The following IGF2BP3 variants were observed in gnomAD, a reference collection of about 807,000 sequenced individuals.
IGF2BP3 encodes insulin-like growth factor 2 mRNA-binding protein 3.
IGF2BP3 carries 9 observed loss-of-function variants against 73.8 expected under a neutral mutation model. That is an observed-to-expected ratio of 0.12 (90% CI 0.07 to 0.21). The LOEUF (loss-of-function observed/expected upper bound fraction) is 0.21, where lower values mean the gene tolerates loss of function less well. Among genes scored for constraint, IGF2BP3 ranks in the 10% least tolerant of loss-of-function variants. The pLI is 1.00. For synonymous variants in IGF2BP3, 258 were observed against 256.7 expected, an observed-to-expected ratio of 1.01 and a Z score of -0.05; for missense variants, 542 against 714.0, an observed-to-expected ratio of 0.76 and a Z score of 2.75.
intron 2 of IGF2BP3, among the ~76,000 whole-genome samples, chr7:23,449,430 T>C (rs1264671488): frequency 6.6e-6 from 1 of 151,556 alleles, no homozygotes; most frequent in African/African-American, 2.4e-5. Context: ...GGCAGGAAAA[T>C]GGCATGAAAC....
At chr7:23,334,636 G>A (rs1032566427) in intron 10 of IGF2BP3, among the ~76,000 whole-genome samples, 8 of 152,224 alleles carry the variant, frequency 5.3e-5, no homozygotes, top group African/African-American at 1.4e-4. Context: ...CAGGACATAA[G>A]CTGCTTCCCA....
At chr7:23,461,131 C>T (rs1000336118) in intron 2 of IGF2BP3, among the ~76,000 whole-genome samples, 5 of 152,234 alleles carry the variant, frequency 3.3e-5, no homozygotes, top group East Asian at 3.9e-4. Flanking sequence ...ACATCACTCT[C>T]GGTGGTATTC....
At chr7:23,371,941 G>T (rs886804430) in intron 3 of IGF2BP3, among the ~76,000 whole-genome samples, 1 of 152,182 alleles carries the variant, frequency 6.6e-6, no homozygotes, top group African/African-American at 2.4e-5. Context: ...TGGAAAAACC[G>T]AATCCAGAGC....
chr7:23,388,282 CCT>C (rs770809837), intron 3 of IGF2BP3, among the ~76,000 whole-genome samples: 2 of 152,158 alleles, frequency 1.3e-5, no homozygotes, highest in Non-Finnish European at 2.9e-5. Flanking sequence ...TTATTCCACC[CCT>C]GTGTATTTAC....
intron 3 of IGF2BP3, among the ~76,000 whole-genome samples, chr7:23,389,594 G>A (rs1400188335): frequency 6.6e-6 from 1 of 151,814 alleles, no homozygotes; most frequent in Non-Finnish European, 1.5e-5. Context: ...GAAATTGGAT[G>A]ATAAATCTTT....
intron 3 of IGF2BP3, among the ~76,000 whole-genome samples, chr7:23,399,411 TA>T (rs55716214): frequency 0.28 from 39,061 of 141,840 alleles, 5,152 homozygotes; most frequent in South Asian, 0.37. Flanking sequence ...TAAATTAAAT[TA>T]AAAAAAAAAA....
At chr7:23,466,339 A>C (rs1788566558) in intron 2 of IGF2BP3, among the ~76,000 whole-genome samples, 1 of 152,232 alleles carries the variant, frequency 6.6e-6, no homozygotes, top group African/African-American at 2.4e-5. Flanking sequence ...TCTACTTTTA[A>C]GACATTTCAA....
At position 23,312,342 on chromosome 7, in the gene IGF2BP3, G is replaced by A; in HGVS notation, c.*20C>T. 6.4e-7 allele frequency: 1 copy of A among 1,562,134 alleles called. No individual in the cohort carries two copies. The highest frequency in any genetic ancestry group is 8.8e-7 in the Non-Finnish European group (1 of 1,134,168). ...CTTTGGTTTGGCATCTGCCTCTGTG[G>A]TGGGCTGTTTCCTGAGCCTTTACTT... On this transcript the variant is annotated 3_prime_UTR_variant, in exon 15 of 15. Transcript: ENST00000258729.
chr7:23,425,800 C>T (rs780083310), intron 2 of IGF2BP3, among the ~76,000 whole-genome samples: 2 of 152,000 alleles, frequency 1.3e-5, no homozygotes, highest in Non-Finnish European at 2.9e-5. Context: ...CAGTTATCTG[C>T]TAAAACTGAC....
In IGF2BP3 at chr7:23,417,813, G is replaced by A. The variant is rs377212405; in HGVS notation, c.285+963C>T. 2.1e-4 allele frequency among the ~76,000 whole-genome samples: 32 copies of A among 151,880 alleles called. 1 individual carries two copies. Among genetic ancestry groups the A allele is most frequent in the Admixed American group, 1.2e-3 (19 of 15,280 alleles). On this transcript the variant is annotated intron_variant, in intron 3 of 14. Coordinates refer to ENST00000258729, the MANE Select transcript of IGF2BP3 (RefSeq NM_006547.3). ...AAAAAGTTTAATCTTATAACCCACC[G>A]TTTCCATCTATAAAGTATATTTTTA... is the stretch of plus-strand genomic sequence containing the variant.
chr7:23,349,272 A>T (rs190865308), intron 6 of IGF2BP3, among the ~76,000 whole-genome samples: 9 of 152,354 alleles, frequency 5.9e-5, no homozygotes, highest in African/African-American at 2.2e-4. Flanking sequence ...CCACTTGATC[A>T]TGCCAATAAA....
At chr7:23,380,849 G>A (rs547961037) in intron 3 of IGF2BP3, among the ~76,000 whole-genome samples, 1 of 152,310 alleles carries the variant, frequency 6.6e-6, no homozygotes, top group South Asian at 2.1e-4. Flanking sequence ...CTAGAGGCTA[G>A]GAGGAAGTCT....
intron 3 of IGF2BP3, among the ~76,000 whole-genome samples, chr7:23,389,805 G>A (rs898115252): frequency 2.0e-5 from 3 of 148,550 alleles, no homozygotes; most frequent in Non-Finnish European, 4.4e-5. Flanking sequence ...ACCAGCCTGG[G>A]CAACATAGCG....
rs575252138 is a variant in IGF2BP3 at position 23,443,472 on chromosome 7, C to A, written c.237-24648G>T. On this transcript the variant is annotated intron_variant, in intron 2 of 14. Transcript: ENST00000258729. ...GACGGGGTTTCGCCATGCTGACCAGCCTGGCCAACATTGGGAAACCCCATC... is the reference window on the plus strand; with the variant it reads ...GACGGGGTTTCGCCATGCTGACCAGACTGGCCAACATTGGGAAACCCCATC... 7.3e-4 allele frequency among the ~76,000 whole-genome samples: 111 copies of A among 152,000 alleles called. 1 individual carries two copies. Among genetic ancestry groups the A allele is most frequent in the African/African-American group, 2.6e-3 (106 of 41,478 alleles).
intron 10 of IGF2BP3, among the ~76,000 whole-genome samples, chr7:23,320,947 C>CAAAAAAAAAAAAAAAAAAAAAAAAAA (rs70966008): frequency 4.1e-5 from 4 of 96,488 alleles, no homozygotes; most frequent in East Asian, 2.5e-4. Context: ...AACTCTGTCT[C>CAAAAAAAAAAAAAAAAAAAAAAAAAA]AAAAAAAAAA....
intron 3 of IGF2BP3, among the ~76,000 whole-genome samples, chr7:23,379,027 A>C (rs1199648661): frequency 1.3e-5 from 2 of 152,218 alleles, no homozygotes; most frequent in Non-Finnish European, 2.9e-5. Flanking sequence ...CTGCTAGGAC[A>C]AGGTCAGAGT....
intron 5 of IGF2BP3, among the ~76,000 whole-genome samples, chr7:23,354,121 G>C (rs547885613): frequency 6.6e-6 from 1 of 152,326 alleles, no homozygotes; most frequent in South Asian, 2.1e-4. Flanking sequence ...GGCCTCCTGA[G>C]TAGCTGGGAT....
At chr7:23,363,813 G>C (rs1188981256) in intron 3 of IGF2BP3, among the ~76,000 whole-genome samples, 1 of 152,240 alleles carries the variant, frequency 6.6e-6, no homozygotes, top group Non-Finnish European at 1.5e-5. Context: ...CTCTGTAAAA[G>C]TGCTTGTCTG....
intron 5 of IGF2BP3, among the ~76,000 whole-genome samples, chr7:23,355,291 G>A (rs551631689): frequency 6.0e-5 from 9 of 150,358 alleles, no homozygotes; most frequent in South Asian, 4.2e-4. Context: ...ACGCGATCTC[G>A]GCTCACTGCT....
Sources: gnomAD v4.1 joint callset for allele counts (sites outside exome capture counted in the v4.1 genomes callset) on GRCh38, gnomAD v4.1.1 for gene constraint, MANE v1.5 for transcripts, NCBI Gene and HGNC (gene_info 2026-07-23, HGNC 2026-07-21) for gene names.